Variants in PIWIL1 observed in about 807,000 individuals in gnomAD.
PIWIL1 encodes the protein piwi like RNA-mediated gene silencing 1.
PIWIL1 carries 73 observed loss-of-function variants against 114.4 expected under a neutral mutation model. The observed-to-expected ratio is 0.64, with a 90% CI of 0.53 to 0.78. PIWIL1 has a LOEUF of 0.78. Among genes scored for constraint, PIWIL1 ranks in the 30% least tolerant of loss-of-function variants. PIWIL1 has a pLI of 0.00. For missense variants in PIWIL1, 723 were observed against 1,063.1 expected (o/e 0.68, Z 4.45); for synonymous variants, 375 against 369.0 (o/e 1.02, Z -0.19).
At chr12:130,386,050 T>C in the PIWIL1 span, among the ~76,000 whole-genome samples, 2 of 152,212 alleles carry the variant, frequency 1.3e-5, no homozygotes, top group African/African-American at 4.8e-5. Context: ...TCCAAAGACC[T>C]AACCCACCGC....
chr12:130,395,238 C>A, the PIWIL1 span, among the ~76,000 whole-genome samples: 28,741 of 152,172 alleles, frequency 0.19, 3,608 homozygotes, highest in Non-Finnish European at 0.27. Flanking sequence ...TGGAGAGCTT[C>A]CTAACTTGTT....
the PIWIL1 span, among the ~76,000 whole-genome samples, chr12:130,422,105 A>T: frequency 2.6e-5 from 4 of 152,144 alleles, no homozygotes; most frequent in Admixed American, 2.6e-4. This position sits in a 1 kb window ranked among gnomAD's most constrained non-coding sequence, Gnocchi z 5.2. Context: ...GCTGACATCC[A>T]GCTTCTGCAC....
At chr12:130,375,737 A>G (rs531699319), downstream of PIWIL1, among the ~76,000 whole-genome samples, 1 of 151,880 alleles carries the variant, frequency 6.6e-6, no homozygotes, top group East Asian at 1.9e-4. Context: ...TTGACCCTTA[A>G]CTACTGTTCC....
chr12:130,421,417 AT>A, the PIWIL1 span, among the ~76,000 whole-genome samples: 10 of 152,342 alleles, frequency 6.6e-5, no homozygotes, highest in Admixed American at 2.0e-4. Context: ...TGAAGATGGA[AT>A]TTTTTTCTTA....
rs538546986 is a variant in PIWIL1 at position 130,342,631 on chromosome 12, C to T, written c.40C>T (p.Arg14Cys). ...RARARARGRA[R>C]GQETAQLVGS... ...CCGAGCCAGAGCCAGAGGAAGGGCC[C>T]GCGGTCAGGAGACAGCGCAGCTGGT... Residue 14 changes from arginine (R) to cysteine (C), a missense_variant, in exon 2 of 21, where the codon CGC (arginine) becomes TGC (cysteine). Around this residue, in one of 8 missense-constraint regions of PIWIL1, gnomAD observed 91 missense variants for 76.2 expected, o/e 1.19. Transcript: ENST00000245255. 1.9e-6 allele frequency: 3 copies of T among 1,613,910 alleles called. No individual in the cohort carries two copies. The highest frequency in any genetic ancestry group is 2.7e-5 in the African/African-American group (2 of 75,052).
intron 19 of PIWIL1, among the ~76,000 whole-genome samples, chr12:130,369,122 C>T (rs1430304321): frequency 6.6e-6 from 1 of 152,152 alleles, no homozygotes; most frequent in African/African-American, 2.4e-5. Flanking sequence ...TGTTCAACTT[C>T]TGCTTATAAG....
At chr12:130,401,585 G>C in the PIWIL1 span, among the ~76,000 whole-genome samples, 1 of 151,650 alleles carries the variant, frequency 6.6e-6, no homozygotes, top group African/African-American at 2.4e-5. Context: ...ATTTACCTGT[G>C]ACTGCCCTGG....
chr12:130,361,669 A>G (rs2073512939), intron 16 of PIWIL1, 68 bp downstream of exon 16: 1 of 1,218,902 alleles, frequency 8.2e-7, no homozygotes, highest in South Asian at 1.3e-5. Context: ...GTTCAGGAGT[A>G]GTGTTCATTC....
chr12:130,356,514 G>A (rs1037529418), intron 12 of PIWIL1, among the ~76,000 whole-genome samples: 1 of 151,976 alleles, frequency 6.6e-6, no homozygotes, highest in Non-Finnish European at 1.5e-5. Context: ...GCTGTCAGAT[G>A]TTTTTGTAGC....
At chr12:130,350,215 G>C (rs968379808) in intron 9 of PIWIL1, among the ~76,000 whole-genome samples, 2 of 152,192 alleles carry the variant, frequency 1.3e-5, no homozygotes. Flanking sequence ...GCTTACGTTT[G>C]AATTGAAGCC....
At chr12:130,367,698 G>A (rs909179602) in intron 19 of PIWIL1, among the ~76,000 whole-genome samples, 8 of 152,302 alleles carry the variant, frequency 5.3e-5, no homozygotes, top group Non-Finnish European at 1.0e-4. Flanking sequence ...TGCACTCACC[G>A]ACCGCAAGAA....
chr12:130,386,000 C>G, the PIWIL1 span, among the ~76,000 whole-genome samples: 16 of 152,266 alleles, frequency 1.1e-4, no homozygotes, highest in African/African-American at 3.1e-4. Flanking sequence ...TTCTGAAGCT[C>G]CTTGCTGCAT....
chr12:130,399,627 C>T, the PIWIL1 span: 2 of 1,596,074 alleles, frequency 1.3e-6, no homozygotes, highest in Non-Finnish European at 8.6e-7. Context: ...TGTATTAGAC[C>T]ACATATGGCA....
downstream of PIWIL1, among the ~76,000 whole-genome samples, chr12:130,375,200 C>G (rs191933293): frequency 2.0e-3 from 299 of 152,268 alleles, 3 homozygotes; most frequent in African/African-American, 6.7e-3. Flanking sequence ...TAATTCTTGG[C>G]TAAAACACAC....
intron 9 of PIWIL1, among the ~76,000 whole-genome samples, chr12:130,353,064 G>A (rs1417239062): frequency 6.6e-6 from 1 of 152,204 alleles, no homozygotes; most frequent in Non-Finnish European, 1.5e-5. Context: ...CATATGCTAG[G>A]AATAAGAAAT....
chr12:130,375,162 C>T (rs533293233), downstream of PIWIL1, among the ~76,000 whole-genome samples: 92 of 152,310 alleles, frequency 6.0e-4, no homozygotes, highest in African/African-American at 2.1e-3. Flanking sequence ...TCCTGGCTTG[C>T]TCACATTGTC....
Position 130,342,555 on chromosome 12 carries a change from G to A in PIWIL1, c.-12-25G>A, listed in dbSNP as rs746618154. 2.2e-6 allele frequency: 3 copies of A among 1,388,860 alleles called. No homozygotes were observed. In the South Asian group the frequency reaches 3.5e-5, roughly 16 times the overall value. The allele number at this position is 1,388,860 out of a possible 1,614,324, so 86.0% of individuals were successfully genotyped here. A position where few individuals can be genotyped will look rare whatever the true frequency, so the allele number is the denominator to read the frequency against. On this transcript the variant is annotated intron_variant, in intron 1 of 20. Transcript: ENST00000245255. ...AATGCGATTGCCTCCATTGAGTATT[G>A]TCTTCAAGATTGTTTCCTCTCCAGA...
chr12:130,348,074 T>C (rs1354712733), intron 6 of PIWIL1, 29 bp from the exon 7 acceptor site: 1 of 1,412,104 alleles, frequency 7.1e-7, no homozygotes, highest in Non-Finnish European at 1.0e-6. Context: ...TACTTATCAA[T>C]ATTCACTCTC....
At chr12:130,416,851 G>A in the PIWIL1 span, among the ~76,000 whole-genome samples, 2 of 151,942 alleles carry the variant, frequency 1.3e-5, no homozygotes, top group South Asian at 4.2e-4. Context: ...AATCTGCAAG[G>A]AACTTAAATC....
Sources: allele counts gnomAD v4.1 joint callset (sites outside exome capture counted in the v4.1 genomes callset), GRCh38; gene constraint gnomAD v4.1.1; regional missense constraint gnomAD v4.1.1; non-coding constraint Gnocchi (gnomAD v3.1); transcripts MANE v1.5; gene names NCBI Gene and HGNC (gene_info 2026-07-23, HGNC 2026-07-21).